The following LYAR variants were observed in gnomAD, a reference collection of about 807,000 sequenced individuals.
LYAR encodes the protein Ly1 antibody reactive.
A neutral mutation model predicts 45.2 loss-of-function variants in LYAR; 37 were observed. The ratio of observed to expected loss-of-function variants is 0.82; its 90% CI spans 0.63 to 1.08. LYAR has a LOEUF of 1.08. Ranked by LOEUF, LYAR falls within the 50% of genes least tolerant of loss-of-function variation. The pLI is 0.00. For missense variants in LYAR, 493 were observed against 451.0 expected, an observed-to-expected ratio of 1.09 and a Z score of -0.84; for synonymous variants, 176 against 155.1, an observed-to-expected ratio of 1.14 and a Z score of -1.00.
At chr4:4,284,283 C>A (rs1419754192) in intron 2 of LYAR, among the ~76,000 whole-genome samples, 12 of 152,148 alleles carry the variant, frequency 7.9e-5, no homozygotes, top group Non-Finnish European at 1.6e-4. Flanking sequence ...TTTAGGTGTA[C>A]ACTACAAACT....
intron 6 of LYAR, among the ~76,000 whole-genome samples, chr4:4,275,060 A>G (rs1052207145): frequency 3.3e-5 from 5 of 152,208 alleles, no homozygotes; most frequent in African/African-American, 1.2e-4. Context: ...CTTTCATTCC[A>G]GCTCACTATT....
intron 3 of LYAR, 30 bp from the exon 4 acceptor site, chr4:4,281,927 G>GACTGATACCCAAGTTGGAGGC (rs1719410810): frequency 4.1e-6 from 6 of 1,472,170 alleles, no homozygotes; most frequent in Non-Finnish European, 5.7e-6. Context: ...TCTGCCATTA[G>GACTGATACCCAAGTTGGAGGC]ACTGATACCC....
At chr4:4,286,671 G>A (rs1008654668) in intron 1 of LYAR, 99 bp from the exon 2 acceptor site, 1 of 112,940 alleles carries the variant, frequency 8.9e-6, no homozygotes, top group Non-Finnish European at 1.8e-5. Context: ...TTTGAGAAAG[G>A]AGTCTCGCTT....
At chr4:4,282,562 A>C (rs1313783817) in intron 3 of LYAR, among the ~76,000 whole-genome samples, 2 of 152,208 alleles carry the variant, frequency 1.3e-5, no homozygotes, top group Non-Finnish European at 2.9e-5. Context: ...ATGAATTAAA[A>C]GAGAGTATTA....
At position 4,283,814 on chromosome 4, in the gene LYAR, T is replaced by C. The variant is rs565055917; in HGVS notation, c.-53-19A>G. 164 of 1,224,932 alleles carry C rather than the reference T, an allele frequency of 1.3e-4. 1 individual carries two copies. The African/African-American group carries it at 2.2e-3, about 17-fold the overall frequency. The allele number at this position is 1,224,932 out of a possible 1,614,324, so 75.9% of individuals were successfully genotyped here. On this transcript the variant is annotated intron_variant, in intron 2 of 9. Transcript: ENST00000343470. ...TCTTGTCCTAAGGAAAAAAAGACAATTATAATTATAAACTGAAACTTCTCA... is the reference window on the plus strand; with the variant it reads ...TCTTGTCCTAAGGAAAAAAAGACAACTATAATTATAAACTGAAACTTCTCA...
intron 7 of LYAR, 145 bp downstream of exon 7, chr4:4,274,222 G>C (rs1260089829): frequency 1.1e-6 from 1 of 934,312 alleles, no homozygotes; most frequent in Non-Finnish European, 1.6e-6. Flanking sequence ...GGGCAACAGA[G>C]CAAGACTCCG....
intron 6 of LYAR, 53 bp from the exon 7 acceptor site, chr4:4,274,822 G>C (rs1047889263): frequency 4.0e-6 from 6 of 1,506,656 alleles, no homozygotes; most frequent in Admixed American, 2.2e-5. Flanking sequence ...TGTGTAAATA[G>C]AGTTGTCACG....
Position 4,279,662 on chromosome 4 carries a change from T to A in LYAR, c.325A>T (p.Arg109Trp). The A allele has an allele frequency of 6.2e-7, 1 of 1,614,062 alleles. No homozygotes were observed. Among genetic ancestry groups the A allele is most frequent in the Non-Finnish European group, 8.5e-7 (1 of 1,179,954 alleles). Reference protein sequence around the residue: ...EQISAFDNVPRKKAKFQNWMK... With the variant: ...EQISAFDNVPWKKAKFQNWMK... ...CATACCTGAAATTTTGCCTTTTTCC[T>A]GGGAACGTTGTCAAAAGCACTAATT... Residue 109 changes from arginine to tryptophan, a missense_variant, in exon 5 of 10, where the codon AGG (arginine) becomes TGG (tryptophan). By Grantham distance (101) the Arg-to-Trp change is moderately radical. Transcript: ENST00000343470.
chr4:4,286,569 T>C lies in LYAR; in HGVS notation c.-104A>G, dbSNP rs917404752. The C allele has an allele frequency of 1.1e-4, 16 of 151,532 alleles. No homozygotes were observed. Among genetic ancestry groups the C allele is most frequent in the African/African-American group, 3.4e-4 (14 of 41,150 alleles). 9.4% of individuals were successfully genotyped at this position (151,532 alleles called of 1,614,324 possible). On this transcript the variant is annotated 5_prime_UTR_variant, in exon 2 of 10. An upstream start codon of the reference 5' UTR is lost. Coordinates refer to ENST00000343470, the MANE Select transcript of LYAR (RefSeq NM_017816.3). ...TCACTCCAATGGAAGACAGCAAACA[T>C]TGCCTAAAACAAAAAAGTAAAACGG...
At chr4:4,289,718 T>C (rs149406314) in intron 1 of LYAR, 1 of 152,250 alleles carries the variant, frequency 6.6e-6, no homozygotes, top group African/African-American at 2.4e-5. Context: ...TAGGGACTGA[T>C]CTCCCAAGGC....
Position 4,285,018 on chromosome 4 carries a change from G to A in LYAR, c.-53-1223C>T, listed in dbSNP as rs1006857479. 7.9e-5 allele frequency among the ~76,000 whole-genome samples: 12 copies of A among 152,144 alleles called. 1 individual carries two copies. The highest frequency in any genetic ancestry group is 2.9e-4 in the African/African-American group (12 of 41,410). ...AGGCCACACCCAAGCAACGACCAAGGTTATTCATGTCCATTCAGCCTTGAA... is the reference window on the plus strand; with the variant it reads ...AGGCCACACCCAAGCAACGACCAAGATTATTCATGTCCATTCAGCCTTGAA... On this transcript the variant is annotated intron_variant, in intron 2 of 9. Transcript: ENST00000343470.
Position 4,281,849 on chromosome 4 carries a change from C to T in LYAR, c.171G>A (p.Lys57=), listed in dbSNP as rs896747694. The change falls in exon 4 of 10, where the codon AAG becomes AAA. Residue 57 remains lysine, a synonymous_variant. Transcript: ENST00000343470. ...TACCTTCATAGCCTTTGCCACCATA[C>T]TTCTGATCTTCACTTATGCATTTCA... ...NHVKCISEDQ[K]YGGKGYEGKT... is the part of the protein sequence containing the mutation. 1.2e-6 allele frequency: 2 copies of T among 1,614,054 alleles called. No homozygotes were observed. The highest frequency in any genetic ancestry group is 1.7e-5 in the Admixed American group (1 of 60,008).
chr4:4,282,946 T>C (rs1430240993), intron 3 of LYAR, among the ~76,000 whole-genome samples: 2 of 152,154 alleles, frequency 1.3e-5, no homozygotes, highest in Non-Finnish European at 1.5e-5. Flanking sequence ...TCCACTGTGA[T>C]GGGCATGTGA....
intron 1 of LYAR, among the ~76,000 whole-genome samples, chr4:4,287,458 A>G (rs1217449940): frequency 6.6e-6 from 1 of 152,112 alleles, no homozygotes; most frequent in Non-Finnish European, 1.5e-5. Flanking sequence ...AGCTCTCATC[A>G]CATGCCATAC....
chr4:4,273,538 G>T (rs921443078), intron 8 of LYAR, 45 bp downstream of exon 8: 3 of 1,417,094 alleles, frequency 2.1e-6, no homozygotes, highest in Admixed American at 3.6e-5. Context: ...ATCAGCGAGA[G>T]CCGCTGTGCC....
chr4:4,270,534 TAA>T (rs201602225), intron 8 of LYAR, among the ~76,000 whole-genome samples: 1 of 109,652 alleles, frequency 9.1e-6, no homozygotes, highest in African/African-American at 3.4e-5. Context: ...TCTCAACAGT[TAA>T]AAAAAAAAAA....
intron 4 of LYAR, 73 bp downstream of exon 4, chr4:4,281,710 C>G: frequency 9.1e-7 from 1 of 1,094,736 alleles, no homozygotes; most frequent in Non-Finnish European, 1.4e-6. Flanking sequence ...CACATTTACT[C>G]TTAGTCTCTT....
chr4:4,268,719 TA>T, intron 8 of LYAR, 104 bp from the exon 9 acceptor site: 1 of 702,828 alleles, frequency 1.4e-6, no homozygotes, highest in Non-Finnish European at 2.4e-6. Context: ...GGAAATGAGC[TA>T]ACCCTCTAAT....
chr4:4,278,917 T>C (rs1348660442), intron 6 of LYAR, among the ~76,000 whole-genome samples: 1 of 152,218 alleles, frequency 6.6e-6, no homozygotes, highest in Admixed American at 6.5e-5. Context: ...CATACTGGGC[T>C]GGCACCAGCA....
Sources: gnomAD v4.1 joint callset for allele counts (sites outside exome capture counted in the v4.1 genomes callset) on GRCh38, gnomAD v4.1.1 for gene constraint, MANE v1.5 for transcripts, NCBI Gene and HGNC (gene_info 2026-07-23, HGNC 2026-07-21) for gene names.